TMEM230: variants seen among roughly 807,000 people sequenced by gnomAD.
The protein encoded by TMEM230 is UPF0414 transmembrane protein C20orf30.
TMEM230 carries 10 observed loss-of-function variants against 15.8 expected under a neutral mutation model. That is an observed-to-expected ratio of 0.63 (90% CI 0.39 to 1.07). TMEM230 has a LOEUF of 1.07. Ranked by LOEUF, TMEM230 falls within the 50% of genes least tolerant of loss-of-function variation. The pLI is 0.01. For synonymous variants in TMEM230, 67 were observed against 76.9 expected (o/e 0.87, Z 0.68); for missense variants, 165 against 193.3 (o/e 0.85, Z 0.87).
chr20:5,059,747 G>A, the TMEM230 span, among the ~76,000 whole-genome samples: 22 of 144,462 alleles, frequency 1.5e-4, no homozygotes, highest in Non-Finnish European at 2.8e-4. Context: ...TGGGACCATA[G>A]CACCACTTCC....
downstream of TMEM230, among the ~76,000 whole-genome samples, chr20:5,099,649 T>C (rs991821043): frequency 2.6e-5 from 4 of 152,134 alleles, no homozygotes; most frequent in South Asian, 2.1e-4. Context: ...CACTTGGATA[T>C]TGAGTAGACA....
At chr20:5,104,743 C>T (rs1026331964) in intron 4 of TMEM230, among the ~76,000 whole-genome samples, 3 of 152,110 alleles carry the variant, frequency 2.0e-5, no homozygotes, top group South Asian at 2.1e-4. Flanking sequence ...AACTGGAGAA[C>T]GTTATGTTAA....
chr20:5,090,413 C>T (rs186654688), intron 3 of TMEM230, among the ~76,000 whole-genome samples: 3 of 152,202 alleles, frequency 2.0e-5, no homozygotes, highest in Admixed American at 6.5e-5. Flanking sequence ...TCAGAAGTCA[C>T]GCAGGAAGCC....
intron 3 of TMEM230, among the ~76,000 whole-genome samples, chr20:5,070,948 T>C (rs992985353): frequency 1.6e-4 from 24 of 152,168 alleles, no homozygotes; most frequent in African/African-American, 5.3e-4. Flanking sequence ...GAAACAAATG[T>C]GGCACAATAA....
At chr20:5,105,453 C>T (rs182976481) in intron 4 of TMEM230, among the ~76,000 whole-genome samples, 61 of 151,434 alleles carry the variant, frequency 4.0e-4, no homozygotes, top group African/African-American at 1.4e-3. Flanking sequence ...TAGCCGGGTG[C>T]GGTGGCGCAC....
intron 3 of TMEM230, among the ~76,000 whole-genome samples, chr20:5,090,326 T>C (rs1454102171): frequency 2.0e-5 from 3 of 152,102 alleles, no homozygotes; most frequent in Non-Finnish European, 2.9e-5. Context: ...AGGACATGCA[T>C]TGTGAAATTT....
chr20:5,064,800 GA>G (rs988262878), downstream of TMEM230, among the ~76,000 whole-genome samples: 16 of 151,580 alleles, frequency 1.1e-4, no homozygotes, highest in South Asian at 2.1e-4. Context: ...GGTGATCAAA[GA>G]AAAAAAAGAG....
chr20:5,070,367 G>A (rs1420311636), intron 3 of TMEM230, among the ~76,000 whole-genome samples: 1 of 152,182 alleles, frequency 6.6e-6, no homozygotes, highest in Non-Finnish European at 1.5e-5. Context: ...GATCCCACAT[G>A]AAAACTGCTG....
At chr20:5,060,584 GC>G in the TMEM230 span, among the ~76,000 whole-genome samples, 1 of 152,014 alleles carries the variant, frequency 6.6e-6, no homozygotes, top group African/African-American at 2.4e-5. Context: ...TGATCTGCCT[GC>G]CTCAACCTCC....
chr20:5,113,052 T>C lies in TMEM230; in HGVS notation c.-24A>G. 1.3e-6 allele frequency: 2 copies of C among 1,543,222 alleles called. No homozygotes were observed. Among genetic ancestry groups the C allele is most frequent in the South Asian group, 1.2e-5 (1 of 83,930 alleles). Reference sequence around the variant, plus strand: ...ATGGCATGGCCCGCTTAAGTGCCACTCAGCCGGCCCCAGGCGGGATCAGTG... The same window carrying C: ...ATGGCATGGCCCGCTTAAGTGCCACCCAGCCGGCCCCAGGCGGGATCAGTG... On this transcript the variant is annotated 5_prime_UTR_variant, in exon 1 of 5. Coordinates refer to ENST00000342308, the MANE Select transcript of TMEM230 (RefSeq NM_001009923.2).
At chr20:5,110,704 A>G (rs1600421412) in intron 2 of TMEM230, among the ~76,000 whole-genome samples, 1 of 152,194 alleles carries the variant, frequency 6.6e-6, no homozygotes, top group East Asian at 1.9e-4. Context: ...AACCTTAAGA[A>G]ACGGAATATG....
At chr20:5,090,343 A>C (rs2089471798) in intron 3 of TMEM230, among the ~76,000 whole-genome samples, 1 of 152,212 alleles carries the variant, frequency 6.6e-6, no homozygotes, top group African/African-American at 2.4e-5. Flanking sequence ...ATTTCAGAAC[A>C]CTGAAGACAA....
chr20:5,111,636 AAAAAAAAAAAATTC>A (rs2090328493), intron 1 of TMEM230: 1 of 183,838 alleles, frequency 5.4e-6, no homozygotes, highest in African/African-American at 2.6e-5. Context: ...AAAAAAAAAA[AAAAAAAAAAAATTC>A]AGTATTTCAA....
At chr20:5,103,393 G>T (rs2089947613) in intron 4 of TMEM230, among the ~76,000 whole-genome samples, 1 of 152,094 alleles carries the variant, frequency 6.6e-6, no homozygotes, top group Non-Finnish European at 1.5e-5. Flanking sequence ...GAGCCCTGAA[G>T]ATTGAGGTTG....
chr20:5,084,929 A>G (rs1412327022), intron 3 of TMEM230, among the ~76,000 whole-genome samples: 1 of 152,196 alleles, frequency 6.6e-6, no homozygotes, highest in Non-Finnish European at 1.5e-5. Context: ...CCCATCCTCC[A>G]GAGTTAGCTG....
chr20:5,109,279 T>C (rs2090216260), intron 3 of TMEM230, 53 bp downstream of exon 2: 1 of 1,452,260 alleles, frequency 6.9e-7, no homozygotes, highest in Non-Finnish European at 9.6e-7. Context: ...GTCTTCCTGC[T>C]AACTTAACAG....
intron 3 of TMEM230, among the ~76,000 whole-genome samples, chr20:5,079,011 G>A (rs1221693669): frequency 1.1e-4 from 17 of 152,120 alleles, no homozygotes; most frequent in Admixed American, 1.1e-3. Flanking sequence ...TCCTTTCTCT[G>A]GTGATTTTAA....
downstream of TMEM230, chr20:5,098,568 C>T (rs1186228048): frequency 6.6e-6 from 1 of 152,068 alleles, no homozygotes; most frequent in East Asian, 1.9e-4. Flanking sequence ...ATAAATGATA[C>T]TTCTGTAACA....
At chr20:5,068,968 C>T in exon 4 of TMEM230, 1 of 507,956 alleles carries the variant, frequency 2.0e-6, no homozygotes. Context: ...CCATTCTCAC[C>T]ATTCACAAGA....
Sources: gnomAD v4.1 joint callset for allele counts (sites outside exome capture counted in the v4.1 genomes callset) on GRCh38, gnomAD v4.1.1 for gene constraint, MANE v1.5 for transcripts, NCBI Gene and HGNC (gene_info 2026-07-23, HGNC 2026-07-21) for gene names.